Variants in PTPRN observed in about 807,000 individuals in gnomAD.
The protein encoded by PTPRN is protein tyrosine phosphatase receptor type N, also known as receptor-type tyrosine-protein phosphatase-like N.
A neutral mutation model predicts 108.5 loss-of-function variants in PTPRN; 70 were observed. The ratio of observed to expected loss-of-function variants is 0.65; its 90% CI spans 0.53 to 0.79. The LOEUF (loss-of-function observed/expected upper bound fraction) is 0.79. PTPRN is among the 30% of genes least tolerant of loss of function. The pLI is 0.00. For synonymous variants in PTPRN, 496 were observed against 524.6 expected, an observed-to-expected ratio of 0.95 and a Z score of 0.75; for missense variants, 1,136 against 1,295.5, an observed-to-expected ratio of 0.88 and a Z score of 1.89.
At chr2:219,303,930 A>C in intron 3 of PTPRN, 99 bp from the exon 4 acceptor site, 289 of 882,568 alleles carry the variant, frequency 3.3e-4, no homozygotes, top group Non-Finnish European at 4.5e-4. Context: ...CCTGCAGCTC[A>C]TGGGGTTTGT....
rs989331671 is a variant in PTPRN, at chr2:219,290,802, G to A, written c.2794+24C>T. On this transcript the variant is annotated intron_variant, in intron 21 of 22. Transcript: ENST00000295718. This position sits in a 1 kb window ranked among gnomAD's most constrained non-coding sequence, Gnocchi z 4.2. ...CCTCTAAAAAGGGCCTGGGGGCTGC[G>A]GGCACCGTGGGGAAGCTCCCTACCT... is the stretch of plus-strand genomic sequence containing the variant. The A allele has an allele frequency of 6.2e-6, 10 of 1,611,840 alleles. No homozygotes were observed. The highest frequency in any genetic ancestry group is 5.3e-5 in the African/African-American group (4 of 74,852).
rs1012767847 is a variant in PTPRN, at chr2:219,289,965, G to C, written c.*261C>G. The C allele has an allele frequency of 3.5e-5, 18 of 511,064 alleles. No homozygotes were observed. In the Admixed American group the frequency reaches 5.3e-4, roughly 15 times the overall value. The allele number at this position is 511,064 out of a possible 1,614,324, so 31.7% of individuals were successfully genotyped here. A position where few individuals can be genotyped will look rare whatever the true frequency, so the allele number is the denominator to read the frequency against. Reference sequence around the variant, plus strand: ...GAATGTAGGCAGGAGAAGGCTCTGGGTAGAATTGCTACCCATGTCCTTTCC... The same window carrying C: ...GAATGTAGGCAGGAGAAGGCTCTGGCTAGAATTGCTACCCATGTCCTTTCC... On this transcript the variant is annotated 3_prime_UTR_variant, in exon 23 of 23. Transcript: ENST00000295718.
chr2:219,291,513 T>C lies in PTPRN; in HGVS notation c.2686A>G (p.Lys896Glu). The C allele has an allele frequency of 6.2e-7, 1 of 1,613,986 alleles. No homozygotes were observed. The highest frequency in any genetic ancestry group is 8.5e-7 in the Non-Finnish European group (1 of 1,180,002). The stretch of plus-strand genomic sequence containing the variant: ...GGGCAGGAGCGGCCCCGGTAGCACT[T>C]GTTCACCTTCCTGCAACAAGAAATG... ...PLLDFRRKVNKCYRGRSCPII... is the reference protein window; with the variant it reads ...PLLDFRRKVNECYRGRSCPII... The change falls in exon 20 of 23, where the codon AAG (lysine) becomes GAG (glutamate). Residue 896 changes from lysine to glutamate, a missense_variant. By Grantham distance (56) the Lys-to-Glu change is moderately conservative. Transcript: ENST00000295718.
chr2:219,303,772 G>T lies in PTPRN; in HGVS notation c.340C>A (p.Pro114Thr). 1 of 1,614,120 alleles carries T rather than the reference G, an allele frequency of 6.2e-7. No individual in the cohort carries two copies. Among genetic ancestry groups the T allele is most frequent in the Non-Finnish European group, 8.5e-7 (1 of 1,179,990 alleles). Residue 114 changes from proline (P) to threonine (T), a missense_variant, in exon 4 of 23, where the codon CCC becomes ACC. By Grantham distance (38) the Pro-to-Thr change is conservative (BLOSUM62 -1). Transcript: ENST00000295718. Reference sequence around the variant, plus strand: ...CGGGGCTCTGGGGGGCGAAGCCTGGGGATGCGCTCCATCTCCTGAGAGATC... The same window carrying T: ...CGGGGCTCTGGGGGGCGAAGCCTGGTGATGCGCTCCATCTCCTGAGAGATC... Reference protein sequence around the residue: ...YVISQEMERIPRLRPPEPRPR... With the variant: ...YVISQEMERITRLRPPEPRPR...
chr2:219,290,936 AGGGGGAGGGAC>A lies in PTPRN; in HGVS notation c.2730-57_2730-47del. The A allele has an allele frequency of 6.3e-7, 1 of 1,582,372 alleles. No homozygotes were observed. Among genetic ancestry groups the A allele is most frequent in the Non-Finnish European group, 8.7e-7 (1 of 1,151,470 alleles). ...AGGTTTAGCTTGAGATGCAGCAGAA[AGGGGGAGGGAC>A]GGAGGAGGCGAGGAGGCCTGGAGGC... On this transcript the variant is annotated intron_variant, in intron 20 of 22. Coordinates refer to ENST00000295718, the MANE Select transcript of PTPRN (RefSeq NM_002846.4). This position sits in a 1 kb window ranked among gnomAD's most constrained non-coding sequence, Gnocchi z 4.2.
At chr2:219,308,785 C>CTCTATGTCTGCGGCCCA in intron 1 of PTPRN, 1 of 1,243,304 alleles carries the variant, frequency 8.0e-7, no homozygotes, top group South Asian at 1.4e-5. Context: ...CCAGCTGGGA[C>CTCTATGTCTGCGGCCCA]TCTATGTCTG....
chr2:219,300,189 T>TA lies in PTPRN; in HGVS notation c.1231_1232insT (p.His411LeufsTer10). 1 of 1,611,310 alleles carries TA rather than the reference T, an allele frequency of 6.2e-7. No homozygotes were observed. The highest frequency in any genetic ancestry group is 8.5e-7 in the Non-Finnish European group (1 of 1,178,332). On this transcript the variant is annotated frameshift_variant, in exon 9 of 23. Coordinates refer to ENST00000295718, the MANE Select transcript of PTPRN (RefSeq NM_002846.4). LOFTEE classifies it high-confidence loss of function. ...ACTGGAGGTAGGGCTGGCAGTGGGG[T>TA]GTCCAGGCATGGGGGATGTGCGGGC...
At chr2:219,299,190 C>T in intron 11 of PTPRN, 79 bp from the exon 12 acceptor site, 1 of 1,605,388 alleles carries the variant, frequency 6.2e-7, no homozygotes, top group Non-Finnish European at 8.5e-7. Context: ...AAGCAGCAGG[C>T]AGGGCCCATG....
chr2:219,298,014 A>G lies in PTPRN; in HGVS notation c.1758T>C (p.Gly586=). 1 of 1,613,944 alleles carries G rather than the reference A, an allele frequency of 6.2e-7. No homozygotes were observed. Among genetic ancestry groups the G allele is most frequent in the Non-Finnish European group, 8.5e-7 (1 of 1,179,990 alleles). ...CCAGAGCCACCAGCAGCCCAGCCAC[A>G]CCTGCCAGGGCCACCAGAGTGAGCA... The part of the protein sequence containing the change: ...SVLLTLVALA[G]VAGLLVALAV... Residue 586 remains glycine (G), a synonymous_variant, in exon 13 of 23, where the codon GGT becomes GGC. Coordinates refer to ENST00000295718, the MANE Select transcript of PTPRN (RefSeq NM_002846.4).
At chr2:219,300,572 CTTTTG>C (rs1952321798) in intron 8 of PTPRN, 1 of 475,366 alleles carries the variant, frequency 2.1e-6, no homozygotes, top group Non-Finnish European at 3.7e-6. Flanking sequence ...GGTTTCTAGA[CTTTTG>C]TTTAGCCACA....
chr2:219,297,948 G>A lies in PTPRN; in HGVS notation c.1824C>T (p.Asp608=). ...GCCCCAGGGCTGCCAGGCGCTCCTT[G>A]TCTTGCTGCCGCGCATGCTGCCGCA... ...LCVRQHARQQ[D]KERLAALGPE... Residue 608 remains aspartate (D), a synonymous_variant, in exon 13 of 23, where the codon GAC becomes GAT. Coordinates refer to ENST00000295718, the MANE Select transcript of PTPRN (RefSeq NM_002846.4). The surrounding 1 kb of genome is among the most constrained non-coding windows in gnomAD (Gnocchi z 6.0). 6.2e-7 allele frequency: 1 copy of A among 1,613,612 alleles called. No individual in the cohort carries two copies. Among genetic ancestry groups the A allele is most frequent in the Non-Finnish European group, 8.5e-7 (1 of 1,179,978 alleles).
At position 219,297,744 on chromosome 2, in the gene PTPRN, TG is replaced by T; in HGVS notation, c.1887+140del. The T allele has an allele frequency of 9.9e-7, 1 of 1,005,874 alleles. No individual in the cohort carries two copies. The highest frequency in any genetic ancestry group is 1.5e-6 in the Non-Finnish European group (1 of 688,624). 62.3% of individuals were successfully genotyped at this position (1,005,874 alleles called of 1,614,324 possible). ...AGGCCCCTACCATACTCCCTCCCAC[TG>T]GGGCTTCTCCAGCCTCCACTGGACC... On this transcript the variant is annotated intron_variant, in intron 13 of 22. Transcript: ENST00000295718. This position sits in a 1 kb window ranked among gnomAD's most constrained non-coding sequence, Gnocchi z 6.0.
chr2:219,307,991 C>T (rs1000366108), intron 1 of PTPRN, 149 bp from the exon 2 acceptor site: 2 of 721,308 alleles, frequency 2.8e-6, no homozygotes, highest in Non-Finnish European at 4.7e-6. Context: ...GGAATCAGGC[C>T]TGAATTTCTT....
At position 219,296,123 on chromosome 2, in the gene PTPRN, T is replaced by C; in HGVS notation, c.2508+103A>G. ...TGAGCAGGGCCAATAAAAGCCTTTT[T>C]AAAAAGACTGTTGAGTGCTCATTTG... On this transcript the variant is annotated intron_variant, in intron 18 of 22. Transcript: ENST00000295718. The surrounding 1 kb of genome is among the most constrained non-coding windows in gnomAD (Gnocchi z 6.0). The C allele has an allele frequency of 6.5e-7, 1 of 1,533,968 alleles. No individual in the cohort carries two copies. The highest frequency in any genetic ancestry group is 8.9e-7 in the Non-Finnish European group (1 of 1,123,648).
chr2:219,300,413 C>T, intron 8 of PTPRN, 154 bp from the exon 9 acceptor site: 1 of 684,424 alleles, frequency 1.5e-6, no homozygotes, highest in Non-Finnish European at 2.3e-6. Flanking sequence ...GACACCAGAG[C>T]ATCTGAGACA....
At chr2:219,291,176 G>C (rs1462812676) in intron 20 of PTPRN, among the ~76,000 whole-genome samples, 3 of 152,188 alleles carry the variant, frequency 2.0e-5, no homozygotes, top group African/African-American at 7.2e-5. Flanking sequence ...GCAGCAGGAG[G>C]GAATTGGATG....
At position 219,298,963 on chromosome 2, in the gene PTPRN, G is replaced by A. The variant is rs7607606; in HGVS notation, c.1668+84C>T. On this transcript the variant is annotated intron_variant, in intron 12 of 22. Transcript: ENST00000295718. The stretch of plus-strand genomic sequence containing the variant: ...TGCCTACGGACACGTTTCGGCTCCA[G>A]TTCTCCCCTCTGGTTTGCCTCCAGC... 11,859 of 1,529,596 alleles carry A rather than the reference G, an allele frequency of 7.8e-3. 753 individuals carry two copies. In the African/African-American group the frequency reaches 0.14, roughly 18 times the overall value. The allele number at this position is 1,529,596 out of a possible 1,614,324, so 94.8% of individuals were successfully genotyped here. A position where few individuals can be genotyped will look rare whatever the true frequency, so the allele number is the denominator to read the frequency against.
rs545338843 is a variant in PTPRN, at chr2:219,300,890, G to A, written c.1161+53C>T. The A allele has an allele frequency of 5.6e-5, 89 of 1,588,904 alleles. No individual in the cohort carries two copies. The South Asian group carries it at 9.6e-4, about 17-fold the overall frequency. On this transcript the variant is annotated intron_variant, in intron 8 of 22. Coordinates refer to ENST00000295718, the MANE Select transcript of PTPRN (RefSeq NM_002846.4). Reference sequence around the variant, plus strand: ...TGAATTTGAAATTTAGGTTTGGCAAGGGGGCGTGCTGCCATGGGGTGATTA... The same window carrying A: ...TGAATTTGAAATTTAGGTTTGGCAAAGGGGCGTGCTGCCATGGGGTGATTA...
At chr2:219,309,108 T>A in intron 1 of PTPRN, 110 bp downstream of exon 1, 2 of 1,286,458 alleles carry the variant, frequency 1.6e-6, no homozygotes, top group Non-Finnish European at 2.0e-6. Flanking sequence ...CCCCAACCCA[T>A]ATTCTCCCCG....
Sources: gnomAD v4.1 joint callset for allele counts (sites outside exome capture counted in the v4.1 genomes callset) on GRCh38, gnomAD v4.1.1 for gene constraint, Gnocchi (gnomAD v3.1) non-coding constraint, MANE v1.5 for transcripts, NCBI Gene and HGNC (gene_info 2026-07-23, HGNC 2026-07-21) for gene names.